GPC5: variants seen among roughly 807,000 people sequenced by gnomAD.
GPC5 encodes glypican-5.
In GPC5, 47 loss-of-function variants were observed where a neutral mutation model predicts 53.9. The observed-to-expected ratio is 0.87, with a 90% CI of 0.69 to 1.11. The LOEUF (loss-of-function observed/expected upper bound fraction) is 1.11. GPC5 is among the 50% of genes most tolerant of loss of function. GPC5 has a pLI of 0.00. For synonymous variants in GPC5, 286 were observed against 263.3 expected (o/e 1.09, Z -0.84); for missense variants, 748 against 713.1 (o/e 1.05, Z -0.56).
chr13:91,478,037 A>G (rs1883029706), intron 2 of GPC5, among the ~76,000 whole-genome samples: 1 of 152,178 alleles, frequency 6.6e-6, no homozygotes, highest in South Asian at 2.1e-4. Context: ...TGGAGGAAAA[A>G]AAAACAGATT....
At chr13:92,534,709 G>A (rs1028424107) in intron 7 of GPC5, among the ~76,000 whole-genome samples, 3 of 152,114 alleles carry the variant, frequency 2.0e-5, no homozygotes, top group Admixed American at 6.6e-5. Context: ...CTTACAAGTA[G>A]TAGAGGAAAC....
chr13:92,826,078 A>T (rs929875712), intron 7 of GPC5, among the ~76,000 whole-genome samples: 6 of 152,152 alleles, frequency 3.9e-5, no homozygotes, highest in Non-Finnish European at 7.3e-5. Context: ...ATGACCTTCC[A>T]TGCCGTTGTG....
At chr13:92,522,435 G>T (rs1254394511) in intron 7 of GPC5, among the ~76,000 whole-genome samples, 1 of 152,298 alleles carries the variant, frequency 6.6e-6, no homozygotes, top group East Asian at 1.9e-4. Flanking sequence ...ATACTATGCA[G>T]CCATAAAAAA....
At chr13:92,702,712 C>T (rs1277587334) in intron 7 of GPC5, among the ~76,000 whole-genome samples, 1 of 152,122 alleles carries the variant, frequency 6.6e-6, no homozygotes, top group Admixed American at 6.6e-5. Context: ...CACAACAGGG[C>T]AGCCACAGTT....
chr13:91,624,686 A>C (rs2033953256), intron 2 of GPC5, among the ~76,000 whole-genome samples: 1 of 152,040 alleles, frequency 6.6e-6, no homozygotes, highest in Non-Finnish European at 1.5e-5. Context: ...TACATGTTTT[A>C]TCATAATAAA....
intron 2 of GPC5, among the ~76,000 whole-genome samples, chr13:91,563,639 T>C (rs1033439201): frequency 6.6e-6 from 1 of 152,220 alleles, no homozygotes; most frequent in Non-Finnish European, 1.5e-5. Flanking sequence ...GAAATTGCCA[T>C]AATGAAGAAT....
intron 7 of GPC5, among the ~76,000 whole-genome samples, chr13:92,318,296 GT>G (rs1200621734): frequency 6.6e-5 from 10 of 152,082 alleles, no homozygotes; most frequent in African/African-American, 2.4e-4. Flanking sequence ...GAATTGCAGT[GT>G]TTGCCAATAC....
chr13:91,517,283 A>C (rs753254924), intron 2 of GPC5, among the ~76,000 whole-genome samples: 3 of 152,124 alleles, frequency 2.0e-5, no homozygotes, highest in African/African-American at 7.2e-5. Flanking sequence ...CACCCAAATC[A>C]CATCTTCAGT....
intron 7 of GPC5, among the ~76,000 whole-genome samples, chr13:92,663,856 CTATATATATATATATATATATATATA>C (rs201565650): frequency 7.8e-4 from 69 of 88,372 alleles, no homozygotes; most frequent in African/African-American, 1.6e-3. Context: ...CACACACACA[CTATATATATATATATATATATATATA>C]TATATATATA....
At chr13:92,513,598 T>G (rs1239128722) in intron 7 of GPC5, among the ~76,000 whole-genome samples, 6 of 151,724 alleles carry the variant, frequency 4.0e-5, no homozygotes, top group Non-Finnish European at 7.4e-5. Flanking sequence ...TCCTTTCGAC[T>G]TCAGGCTAAG....
intron 7 of GPC5, among the ~76,000 whole-genome samples, chr13:92,619,341 C>T (rs1263990367): frequency 6.6e-6 from 1 of 151,920 alleles, no homozygotes; most frequent in Non-Finnish European, 1.5e-5. Context: ...ATTGCATGCA[C>T]TGAAATGCAT....
chr13:91,587,479 G>A (rs1247607891), intron 2 of GPC5, among the ~76,000 whole-genome samples: 1 of 151,974 alleles, frequency 6.6e-6, no homozygotes, highest in Admixed American at 6.6e-5. Flanking sequence ...TTTGGCTAGG[G>A]AACTGTTTTT....
intron 1 of GPC5, among the ~76,000 whole-genome samples, chr13:91,408,428 C>G (rs1877486528): frequency 6.6e-6 from 1 of 152,064 alleles, no homozygotes; most frequent in Admixed American, 6.5e-5. Flanking sequence ...CTATCATATC[C>G]ACATTTTCTT....
intron 7 of GPC5, among the ~76,000 whole-genome samples, chr13:92,321,624 C>G (rs2043216431): frequency 6.6e-6 from 1 of 151,836 alleles, no homozygotes; most frequent in African/African-American, 2.4e-5. Flanking sequence ...TACATACATA[C>G]ATACATACAT....
intron 7 of GPC5, among the ~76,000 whole-genome samples, chr13:92,256,687 C>T (rs1395787540): frequency 6.6e-6 from 1 of 151,706 alleles, no homozygotes; most frequent in Non-Finnish European, 1.5e-5. Flanking sequence ...CAATATGAAT[C>T]TGTACCAATT....
chr13:92,505,650 A>G (rs1041324638), intron 7 of GPC5, among the ~76,000 whole-genome samples: 3 of 152,094 alleles, frequency 2.0e-5, no homozygotes, highest in Admixed American at 2.0e-4. Context: ...TACAAAACCT[A>G]CATATGAATG....
At chr13:92,189,295 A>T (rs1308122729) in intron 7 of GPC5, among the ~76,000 whole-genome samples, 5 of 152,110 alleles carry the variant, frequency 3.3e-5, no homozygotes, top group African/African-American at 4.8e-5. Flanking sequence ...TTTCATTAAC[A>T]GCCAAACCTA....
chr13:92,624,545 T>C (rs1462962686), intron 7 of GPC5, among the ~76,000 whole-genome samples: 1 of 152,186 alleles, frequency 6.6e-6, no homozygotes, highest in African/African-American at 2.4e-5. Context: ...CAACCACAGA[T>C]TTATGAATGA....
chr13:92,192,669 T>G (rs1293531454), intron 7 of GPC5, among the ~76,000 whole-genome samples: 1 of 152,176 alleles, frequency 6.6e-6, no homozygotes, highest in Admixed American at 6.5e-5. Context: ...TTTATTAATT[T>G]TAGCTGACAA....
Sources: allele counts gnomAD v4.1 joint callset (sites outside exome capture counted in the v4.1 genomes callset), GRCh38; gene constraint gnomAD v4.1.1; transcripts MANE v1.5; gene names NCBI Gene and HGNC (gene_info 2026-07-23, HGNC 2026-07-21).